Variants in GPA33 observed in about 807,000 individuals in gnomAD.
The protein encoded by GPA33 is glycoprotein A33.
GPA33 carries 27 observed loss-of-function variants against 35.6 expected under a neutral mutation model. The ratio of observed to expected loss-of-function variants is 0.76; its 90% confidence interval spans 0.56 to 1.04. The LOEUF is 1.04. Ranked by LOEUF, GPA33 falls within the 50% of genes least tolerant of loss-of-function variation. The pLI is 0.00. For missense variants in GPA33, 428 were observed against 411.9 expected (o/e 1.04, Z -0.34); for synonymous variants, 176 against 164.0 (o/e 1.07, Z -0.56).
intron 1 of GPA33, chr1:167,082,158 T>C (rs1435558295): frequency 2.3e-6 from 1 of 436,538 alleles, no homozygotes; most frequent in East Asian, 7.0e-5. Flanking sequence ...TACAACAGTG[T>C]CCCAGTCCTA....
chr1:167,064,022 A>G (rs1391402264), intron 3 of GPA33, among the ~76,000 whole-genome samples: 1 of 152,162 alleles, frequency 6.6e-6, no homozygotes, highest in Non-Finnish European at 1.5e-5. Flanking sequence ...GTTTACAGTC[A>G]TGGGATTTTA....
chr1:167,087,678 A>G (rs1003200265), intron 1 of GPA33, among the ~76,000 whole-genome samples: 1 of 152,128 alleles, frequency 6.6e-6, no homozygotes, highest in African/African-American at 2.4e-5. Flanking sequence ...GCACTTTGGG[A>G]GGCTGAGGCG....
At position 167,063,667 on chromosome 1, in the gene GPA33, G is replaced by T; in HGVS notation, c.486C>A (p.Cys162Ter). The change falls in exon 4 of 7, where the codon TGC (cysteine) becomes TGA (stop). Residue 162 changes from cysteine to a stop codon, truncating the protein, a stop_gained. Transcript: ENST00000367868. LOFTEE classifies it high-confidence loss of function. ...GGGTTGGTGAGCCCTCCTTTGATTG[G>T]CAGGTCAGCTGGATGTTGTTCCCAA... is the stretch of plus-strand genomic sequence containing the variant. ...TIIGNNIQLT[C>*]QSKEGSPTPQ... 1.2e-6 allele frequency: 2 copies of T among 1,613,566 alleles called. No homozygotes were observed. Among genetic ancestry groups the T allele is most frequent in the Non-Finnish European group, 1.7e-6 (2 of 1,179,828 alleles).
At chr1:167,065,626 T>C (rs1364500585) in intron 3 of GPA33, among the ~76,000 whole-genome samples, 1 of 152,112 alleles carries the variant, frequency 6.6e-6, no homozygotes, top group African/African-American at 2.4e-5. Context: ...CGGCAGCTGC[T>C]GAGAGAAACC....
rs1378186589 is a variant in GPA33, at chr1:167,090,255, T to C, written c.33A>G (p.Thr11=). 1 of 1,613,220 alleles carries C rather than the reference T, an allele frequency of 6.2e-7. No homozygotes were observed. The highest frequency in any genetic ancestry group is 1.1e-5 in the South Asian group (1 of 91,052). The part of the protein sequence containing the change: MVGKMWPVLW[T]LCAVRVTVDA... ...AAGGGGCCTACTCACCTGCACAGAG[T>C]GTCCACAACACAGGCCACATCTTCC... The change falls in exon 1 of 7, where the codon ACA becomes ACG. Residue 11 remains threonine (T), a synonymous_variant. Transcript: ENST00000367868.
chr1:167,090,003 GT>G (rs1275016803), intron 1 of GPA33, among the ~76,000 whole-genome samples: 2 of 152,060 alleles, frequency 1.3e-5, no homozygotes, highest in Non-Finnish European at 2.9e-5. Context: ...AGAAAATATG[GT>G]CTTGAGAGTA....
intron 3 of GPA33, among the ~76,000 whole-genome samples, chr1:167,067,258 A>G (rs1666618446): frequency 6.6e-6 from 1 of 150,906 alleles, no homozygotes; most frequent in Non-Finnish European, 1.5e-5. Flanking sequence ...TCCCCAACTC[A>G]AGAGATCCTC....
At chr1:167,079,764 T>C (rs1330877281) in intron 1 of GPA33, among the ~76,000 whole-genome samples, 1 of 152,256 alleles carries the variant, frequency 6.6e-6, no homozygotes, top group Non-Finnish European at 1.5e-5. Flanking sequence ...TGAAGACATC[T>C]GGCTGGACTT....
intron 2 of GPA33, among the ~76,000 whole-genome samples, chr1:167,072,925 G>A (rs1216098231): frequency 6.6e-6 from 1 of 151,956 alleles, no homozygotes; most frequent in Non-Finnish European, 1.5e-5. Context: ...GGAGAAGCAG[G>A]GATGGGAATG....
At chr1:167,078,068 C>A (rs1381729740) in intron 1 of GPA33, among the ~76,000 whole-genome samples, 2 of 152,192 alleles carry the variant, frequency 1.3e-5, no homozygotes, top group Non-Finnish European at 2.9e-5. Flanking sequence ...TAATTTTTGC[C>A]TGCAGGGACA....
At chr1:167,059,933 G>T (rs934603166) in intron 4 of GPA33, among the ~76,000 whole-genome samples, 3 of 152,176 alleles carry the variant, frequency 2.0e-5, no homozygotes, top group African/African-American at 4.8e-5. Context: ...TCTAATGTTG[G>T]AAATTGTCTT....
At chr1:167,081,419 T>C (rs749170476) in intron 1 of GPA33, among the ~76,000 whole-genome samples, 10 of 152,100 alleles carry the variant, frequency 6.6e-5, no homozygotes, top group Non-Finnish European at 1.2e-4. Context: ...CACACGCAGG[T>C]TGGTTTGTCC....
At position 167,082,259 on chromosome 1, in the gene GPA33, A is replaced by G. The variant is rs79683860; in HGVS notation, c.43+7986T>C. ...ATAACAGTTACCTGTGGATTCTGAG[A>G]TCGTGGGGCAATCTGAGATTTCTTC... On this transcript the variant is annotated intron_variant, in intron 1 of 6. Coordinates refer to ENST00000367868, the MANE Select transcript of GPA33 (RefSeq NM_005814.3). 1.3e-3 allele frequency: 593 copies of G among 456,286 alleles called. 5 individuals are homozygous for G. In the East Asian group the frequency reaches 0.028, roughly 21 times the overall value. The allele number at this position is 456,286 out of a possible 1,614,324, so 28.3% of individuals were successfully genotyped here.
intron 1 of GPA33, among the ~76,000 whole-genome samples, chr1:167,076,733 T>C (rs922599662): frequency 3.9e-5 from 6 of 152,184 alleles, no homozygotes; most frequent in African/African-American, 1.2e-4. Context: ...AGGTTTCCCC[T>C]CTTTGGCATT....
In GPA33 at chr1:167,068,937, G is replaced by C. The variant is rs373880766; in HGVS notation, c.400C>G (p.Arg134Gly). The change falls in exon 3 of 7, where the codon CGC becomes GGC. Residue 134 changes from arginine (R) to glycine (G), a missense_variant. Transcript: ENST00000367868. ...AGACACTCACCGAGGACCAACAGGCGGACACGTGACTTGGTGTTGCCCTCC... is the reference window on the plus strand; with the variant it reads ...AGACACTCACCGAGGACCAACAGGCCGACACGTGACTTGGTGTTGCCCTCC... Reference protein sequence around the residue: ...DLEGNTKSRVRLLVLVPPSKP... With the variant: ...DLEGNTKSRVGLLVLVPPSKP... The C allele has an allele frequency of 2.3e-5, 37 of 1,612,334 alleles. No individual in the cohort carries two copies. Among genetic ancestry groups the C allele is most frequent in the Non-Finnish European group, 3.0e-5 (35 of 1,179,564 alleles).
chr1:167,055,973 C>G, intron 4 of GPA33, 124 bp from the exon 5 acceptor site: 1 of 880,058 alleles, frequency 1.1e-6, no homozygotes, highest in Non-Finnish European at 1.8e-6. Context: ...AGGCCGGAGC[C>G]CCATGTCCAC....
chr1:167,081,937 A>G (rs1571319496), intron 1 of GPA33, among the ~76,000 whole-genome samples: 1 of 152,230 alleles, frequency 6.6e-6, no homozygotes, highest in African/African-American at 2.4e-5. Flanking sequence ...GGAAGCAGTC[A>G]GAGGTTACTG....
intron 3 of GPA33, among the ~76,000 whole-genome samples, chr1:167,068,656 G>A (rs1473223285): frequency 2.0e-5 from 3 of 152,202 alleles, no homozygotes; most frequent in African/African-American, 7.2e-5. Context: ...GAGCTGGTAT[G>A]GAGGAAAGGA....
intron 1 of GPA33, among the ~76,000 whole-genome samples, chr1:167,089,749 A>G (rs1267268405): frequency 6.6e-6 from 1 of 152,042 alleles, no homozygotes; most frequent in Non-Finnish European, 1.5e-5. Flanking sequence ...AGACCCATCT[A>G]GTTTGTTGTT....
Sources: allele counts gnomAD v4.1 joint callset (sites outside exome capture counted in the v4.1 genomes callset), GRCh38; gene constraint gnomAD v4.1.1; transcripts MANE v1.5; gene names NCBI Gene and HGNC (gene_info 2026-07-23, HGNC 2026-07-21).